The following INPP5A variants were observed in gnomAD, a reference collection of about 807,000 sequenced individuals.
INPP5A encodes inositol polyphosphate-5-phosphatase A.
Under a neutral mutation model 65.2 loss-of-function variants are expected in INPP5A, and 14 were observed. The ratio of observed to expected loss-of-function variants is 0.21; its 90% CI spans 0.14 to 0.34. The LOEUF is 0.34. Among genes scored for constraint, INPP5A ranks in the 10% least tolerant of loss-of-function variants. The probability of loss-of-function intolerance (pLI) is 1.00; values close to 1 mark genes in which losing one functional copy is unlikely to be tolerated. For synonymous variants in INPP5A, 207 were observed against 208.3 expected, an observed-to-expected ratio of 0.99 and a Z score of 0.05; for missense variants, 431 against 545.6, an observed-to-expected ratio of 0.79 and a Z score of 2.09.
chr10:132,668,284 G>A (rs1444522148), intron 4 of INPP5A, among the ~76,000 whole-genome samples: 1 of 152,168 alleles, frequency 6.6e-6, no homozygotes, highest in Non-Finnish European at 1.5e-5. Flanking sequence ...TCCTGCCATG[G>A]GCTGATGGCC....
rs190928466 is a variant in INPP5A at position 132,568,747 on chromosome 10, A to G, written c.75+30576A>G. The stretch of plus-strand genomic sequence containing the variant: ...ATTCCAGCCTGGGCGACAAGAGTGA[A>G]ACTCTGTCTCAAACAAAACAAAACA... On this transcript the variant is annotated intron_variant, in intron 1 of 15. Coordinates refer to ENST00000368594, the MANE Select transcript of INPP5A (RefSeq NM_005539.5). Among the ~76,000 whole-genome samples the G allele has an allele frequency of 7.1e-3, 1,073 of 151,940 alleles. 7 individuals are homozygous for G. Among genetic ancestry groups the G allele is most frequent in the Non-Finnish European group, 9.6e-3 (650 of 68,012 alleles).
chr10:132,585,848 C>G (rs1033284838), intron 1 of INPP5A, among the ~76,000 whole-genome samples: 1 of 152,196 alleles, frequency 6.6e-6, no homozygotes, highest in Non-Finnish European at 1.5e-5. Flanking sequence ...GTGGAGTGTC[C>G]TTTCGGGTGT....
intron 1 of INPP5A, among the ~76,000 whole-genome samples, chr10:132,597,723 C>T (rs1207346763): frequency 2.0e-5 from 3 of 150,806 alleles, no homozygotes; most frequent in Non-Finnish European, 3.0e-5. Flanking sequence ...GTGTAGTGAC[C>T]CTGGGCCTGT....
chr10:132,680,682 G>A (rs1003511770), intron 4 of INPP5A, among the ~76,000 whole-genome samples: 17 of 152,366 alleles, frequency 1.1e-4, no homozygotes, highest in Admixed American at 6.5e-4. Flanking sequence ...AGCGGGAACC[G>A]GGGCTGCGCG....
chr10:132,647,122 T>C (rs2072508154), intron 3 of INPP5A, among the ~76,000 whole-genome samples: 1 of 151,894 alleles, frequency 6.6e-6, no homozygotes, highest in South Asian at 2.1e-4. Context: ...TTTCTTTTTT[T>C]TTTTTTGTTT....
chr10:132,739,020 C>G (rs1228805492), intron 9 of INPP5A, among the ~76,000 whole-genome samples: 1 of 152,174 alleles, frequency 6.6e-6, no homozygotes, highest in Admixed American at 6.5e-5. Context: ...GAAGGGCTTT[C>G]TCTTGGGAAG....
In INPP5A at chr10:132,770,348, G is replaced by C. The variant is rs192109729; in HGVS notation, c.977+4502G>C. Among the ~76,000 whole-genome samples, 287 of 152,384 alleles carry C rather than the reference G, an allele frequency of 1.9e-3. 6 individuals are homozygous for C. The South Asian group carries it at 0.046, about 25-fold the overall frequency. Reference sequence around the variant, plus strand: ...CAGCTTCCGGAATGTGGGGGGCACTGCGTTTCCTCGCGGAGGCCGTGGTGC... The same window carrying C: ...CAGCTTCCGGAATGTGGGGGGCACTCCGTTTCCTCGCGGAGGCCGTGGTGC... On this transcript the variant is annotated intron_variant, in intron 12 of 15. Transcript: ENST00000368594.
Position 132,636,647 on chromosome 10 carries a change from T to C in INPP5A, c.118-9221T>C, listed in dbSNP as rs565881432. Among the ~76,000 whole-genome samples the C allele has an allele frequency of 8.5e-5, 13 of 152,234 alleles. 1 individual carries two copies. Among genetic ancestry groups the C allele is most frequent in the Admixed American group, 5.9e-4 (9 of 15,304 alleles). On this transcript the variant is annotated intron_variant, in intron 2 of 15. Coordinates refer to ENST00000368594, the MANE Select transcript of INPP5A (RefSeq NM_005539.5). ...CTGAGCAGGGACCACAGAGCTCCCATGTCCATTTGGTTATTTATGGAAGAG... is the reference window on the plus strand; with the variant it reads ...CTGAGCAGGGACCACAGAGCTCCCACGTCCATTTGGTTATTTATGGAAGAG...
At position 132,657,569 on chromosome 10, in the gene INPP5A, C is replaced by T. The variant is rs370006501; in HGVS notation, c.306+7064C>T. ...CCTGGTGCTCTTGGGGTGGGGGGCC[C>T]CAGTACCCAGCGGTGGCCCAGGAAT... On this transcript the variant is annotated intron_variant, in intron 4 of 15. Coordinates refer to ENST00000368594, the MANE Select transcript of INPP5A (RefSeq NM_005539.5). Among the ~76,000 whole-genome samples the T allele has an allele frequency of 3.3e-4, 50 of 152,204 alleles. No individual in the cohort carries two copies. In the South Asian group the frequency reaches 0.01, roughly 31 times the overall value.
rs1320342984 is a variant in INPP5A at position 132,587,756 on chromosome 10, A to G, written c.76-20159A>G. Among the ~76,000 whole-genome samples, 1 of 151,834 alleles carries G rather than the reference A, an allele frequency of 6.6e-6. No individual in the cohort carries two copies. Among genetic ancestry groups the G allele is most frequent in the Non-Finnish European group, 1.5e-5 (1 of 67,968 alleles). ...TGGTGGCTCATGCCTGTAATCCCCC[A>G]GCACTTTGGGAGGCCGAGGCGAGGC... On this transcript the variant is annotated intron_variant, in intron 1 of 15. Coordinates refer to ENST00000368594, the MANE Select transcript of INPP5A (RefSeq NM_005539.5). This position sits in a 1 kb window ranked among gnomAD's most constrained non-coding sequence, Gnocchi z 4.3.
Position 132,741,897 on chromosome 10 carries a change from T to C in INPP5A, c.733-7620T>C, listed in dbSNP as rs1238657140. 5.3e-5 allele frequency among the ~76,000 whole-genome samples: 8 copies of C among 152,162 alleles called. No homozygotes were observed. The highest frequency in any genetic ancestry group is 5.2e-4 in the Admixed American group (8 of 15,282). ...CTGGCTGCAGCACCCACGAATGGCT[T>C]CTTTCCGAGATGTGGCCGTCCTCTG... On this transcript the variant is annotated intron_variant, in intron 9 of 15. Transcript: ENST00000368594. The surrounding 1 kb of genome is among the most constrained non-coding windows in gnomAD (Gnocchi z 4.4).
intron 2 of INPP5A, among the ~76,000 whole-genome samples, chr10:132,643,403 A>T (rs1389238308): frequency 6.6e-6 from 1 of 152,226 alleles, no homozygotes; most frequent in Non-Finnish European, 1.5e-5. Flanking sequence ...TGGGAGGCTG[A>T]GGTGGGAGAT....
rs538285448 is a variant in INPP5A at position 132,718,759 on chromosome 10, C to T, written c.648-8062C>T. 2.0e-5 allele frequency among the ~76,000 whole-genome samples: 3 copies of T among 148,832 alleles called. No homozygotes were observed. The South Asian group carries it at 6.4e-4, about 32-fold the overall frequency. ...GGTTCTGTCTGGGCACCTTAGACGA[C>T]TGTCTTCAGGGTTCTGTGGTACCTC... On this transcript the variant is annotated intron_variant, in intron 8 of 15. Coordinates refer to ENST00000368594, the MANE Select transcript of INPP5A (RefSeq NM_005539.5).
At chr10:132,708,422 T>C (rs758206139) in intron 7 of INPP5A, 57 bp downstream of exon 7, 2 of 1,535,822 alleles carry the variant, frequency 1.3e-6, no homozygotes, top group Non-Finnish European at 1.8e-6. Context: ...TTTTATATCT[T>C]GCACCAGCGG....
At chr10:132,645,827 A>G (rs1028216029) in intron 2 of INPP5A, 41 bp from the exon 3 acceptor site, 1 of 1,492,774 alleles carries the variant, frequency 6.7e-7, no homozygotes, top group African/African-American at 1.4e-5. Context: ...GGCTCTGTGG[A>G]CGGCTCCGAC....
chr10:132,779,858 G>C (rs551051580), intron 13 of INPP5A, among the ~76,000 whole-genome samples: 1 of 152,368 alleles, frequency 6.6e-6, no homozygotes, highest in Admixed American at 6.5e-5. Flanking sequence ...GGTGCTGCTT[G>C]GGGAGCCTCG....
intron 8 of INPP5A, among the ~76,000 whole-genome samples, chr10:132,718,962 A>G (rs1279910250): frequency 8.5e-3 from 425 of 50,172 alleles, no homozygotes; most frequent in Middle Eastern, 0.019. Flanking sequence ...GCCTTAGACG[A>G]CTGTCTTGCG....
intron 8 of INPP5A, among the ~76,000 whole-genome samples, chr10:132,721,628 G>A (rs902952484): frequency 6.6e-6 from 1 of 150,586 alleles, no homozygotes; most frequent in Non-Finnish European, 1.5e-5. Context: ...ACCTTAGACA[G>A]CTGTCTTCAG....
intron 4 of INPP5A, among the ~76,000 whole-genome samples, chr10:132,661,961 C>T (rs983196359): frequency 6.6e-6 from 1 of 152,066 alleles, no homozygotes; most frequent in Non-Finnish European, 1.5e-5. Flanking sequence ...ATTAGAGGGC[C>T]GTTTGCAAAA....
Sources: allele counts gnomAD v4.1 joint callset (sites outside exome capture counted in the v4.1 genomes callset), GRCh38; gene constraint gnomAD v4.1.1; non-coding constraint Gnocchi (gnomAD v3.1); transcripts MANE v1.5; gene names NCBI Gene and HGNC (gene_info 2026-07-23, HGNC 2026-07-21).